The following LANCL3 variants were observed in gnomAD, a reference collection of about 807,000 sequenced individuals.
LANCL3 encodes LanC like family member 3.
A neutral mutation model predicts 26.5 loss-of-function variants in LANCL3; 19 were observed. The observed-to-expected ratio is 0.72, with a 90% confidence interval of 0.50 to 1.05. The LOEUF (loss-of-function observed/expected upper bound fraction) is 1.05, where lower values mean the gene tolerates loss of function less well. Ranked by LOEUF, LANCL3 falls within the 50% of genes least tolerant of loss-of-function variation. LANCL3 has a pLI of 0.00. For synonymous variants in LANCL3, 160 were observed against 166.6 expected, an observed-to-expected ratio of 0.96 and a Z score of 0.30; for missense variants, 318 against 362.7, an observed-to-expected ratio of 0.88 and a Z score of 1.00.
chrX:37,647,847 T>C (rs181736725), intron 1 of LANCL3, among the ~76,000 whole-genome samples: 165 of 113,111 alleles, frequency 1.5e-3, no homozygotes, highest in African/African-American at 4.9e-3. Flanking sequence ...AAATGTTTCC[T>C]TGGGCTCTAC....
chrX:37,636,031 C>T (rs1369084852), intron 1 of LANCL3, among the ~76,000 whole-genome samples: 8 of 106,881 alleles, frequency 7.5e-5, no homozygotes, highest in African/African-American at 2.7e-4. Flanking sequence ...CAGTGTTTAG[C>T]TCCCACTTAT....
At chrX:37,673,125 G>T (rs1360699277) in intron 4 of LANCL3, among the ~76,000 whole-genome samples, 1 of 110,870 alleles carries the variant, frequency 9.0e-6, no homozygotes, top group East Asian at 2.8e-4. Flanking sequence ...TCAAATATTT[G>T]ACATAGAGTT....
At chrX:37,634,807 G>A (rs1925659195) in intron 1 of LANCL3, among the ~76,000 whole-genome samples, 1 of 111,559 alleles carries the variant, frequency 9.0e-6, no homozygotes, top group Non-Finnish European at 1.9e-5. Flanking sequence ...TCTGGATAAA[G>A]AGGCATCATG....
intron 1 of LANCL3, among the ~76,000 whole-genome samples, chrX:37,613,327 G>T (rs1323945361): frequency 1.8e-5 from 2 of 111,143 alleles, no homozygotes; most frequent in Non-Finnish European, 3.8e-5. Context: ...ACATGGCCTG[G>T]CTCAGGGTTG....
intron 1 of LANCL3, among the ~76,000 whole-genome samples, chrX:37,579,371 C>A (rs1457209818): frequency 9.0e-6 from 1 of 111,407 alleles, no homozygotes; most frequent in Non-Finnish European, 1.9e-5. Flanking sequence ...ATGCCTGGAA[C>A]CACGGATAGT....
At chrX:37,612,330 C>G (rs1467961463) in intron 1 of LANCL3, among the ~76,000 whole-genome samples, 2 of 111,467 alleles carry the variant, frequency 1.8e-5, no homozygotes, top group East Asian at 5.7e-4. Context: ...GCATTTCTAA[C>G]CCCCCTTCCC....
intron 1 of LANCL3, among the ~76,000 whole-genome samples, chrX:37,634,422 G>A (rs1043157468): frequency 1.8e-5 from 2 of 112,801 alleles, no homozygotes; most frequent in African/African-American, 3.2e-5. Flanking sequence ...GCCCTGCTTC[G>A]GCTCGCACAT....
chrX:37,658,645 T>A (rs1413993770), intron 2 of LANCL3, among the ~76,000 whole-genome samples: 1 of 111,912 alleles, frequency 8.9e-6, no homozygotes, highest in Non-Finnish European at 1.9e-5. Context: ...CACACACAAT[T>A]AACCATCATA....
intron 1 of LANCL3, among the ~76,000 whole-genome samples, chrX:37,588,319 G>A (rs781918817): frequency 3.6e-5 from 4 of 111,433 alleles, no homozygotes; most frequent in East Asian, 2.8e-4. Flanking sequence ...TCAACAGTTC[G>A]TGATGTGTCC....
chrX:37,605,532 A>AC (rs34956694), intron 1 of LANCL3, among the ~76,000 whole-genome samples: 1 of 111,508 alleles, frequency 9.0e-6, no homozygotes, highest in East Asian at 2.8e-4. Flanking sequence ...GGCCTACAGG[A>AC]CCCTAAAAGA....
intron 1 of LANCL3, among the ~76,000 whole-genome samples, chrX:37,646,175 C>T (rs1202650821): frequency 8.8e-6 from 1 of 113,034 alleles, no homozygotes; most frequent in Non-Finnish European, 1.9e-5. Context: ...CCATGTTTCT[C>T]CAACCTAGCA....
intron 1 of LANCL3, among the ~76,000 whole-genome samples, chrX:37,642,998 T>C (rs1474848373): frequency 8.9e-6 from 1 of 111,909 alleles, no homozygotes; most frequent in African/African-American, 3.2e-5. Context: ...TTTTGAACCA[T>C]GGTTTGAGAA....
At chrX:37,625,745 C>T (rs1230954581) in intron 1 of LANCL3, among the ~76,000 whole-genome samples, 1 of 110,775 alleles carries the variant, frequency 9.0e-6, no homozygotes, top group African/African-American at 3.3e-5. Context: ...AGCTACTTTT[C>T]AGTACCTCAG....
intron 1 of LANCL3, among the ~76,000 whole-genome samples, chrX:37,575,029 G>C (rs1430542420): frequency 2.7e-5 from 3 of 109,129 alleles, no homozygotes; most frequent in Non-Finnish European, 5.7e-5. Flanking sequence ...GGGCTCAGGC[G>C]ATCCTCCTAC....
intron 4 of LANCL3, among the ~76,000 whole-genome samples, chrX:37,674,141 G>T (rs937975174): frequency 9.0e-6 from 1 of 111,329 alleles, no homozygotes; most frequent in Non-Finnish European, 1.9e-5. Flanking sequence ...TATACCAGGG[G>T]TTCTTAATCT....
At chrX:37,572,529 C>T in intron 1 of LANCL3, 86 bp downstream of exon 1, 1 of 794,815 alleles carries the variant, frequency 1.3e-6, no homozygotes, top group African/African-American at 2.0e-5. Flanking sequence ...CAGCACTGTC[C>T]CGAGTTGCTC....
rs1246388476 is a variant in LANCL3, at chrX:37,573,753, A to AT, written c.573+1319dup. Among the ~76,000 whole-genome samples, 5 of 109,727 alleles carry AT rather than the reference A, an allele frequency of 4.6e-5. No homozygotes were observed. In the East Asian group the frequency reaches 8.5e-4, roughly 19 times the overall value. ...TAGTCTGGCAGCAGGCAATTTTCAAATTTTTTTTTCCAATTGTTTTCCTTA... is the reference window on the plus strand; with the variant it reads ...TAGTCTGGCAGCAGGCAATTTTCAAATTTTTTTTTTCCAATTGTTTTCCTTA... On this transcript the variant is annotated intron_variant, in intron 1 of 4. Coordinates refer to ENST00000378619, the MANE Select transcript of LANCL3 (RefSeq NM_001170331.2).
intron 1 of LANCL3, among the ~76,000 whole-genome samples, chrX:37,576,034 G>A (rs1923735945): frequency 8.9e-6 from 1 of 111,853 alleles, no homozygotes; most frequent in Non-Finnish European, 1.9e-5. Context: ...TTGGCTACTA[G>A]GGAGTGTATG....
rs1345796548 is a variant in LANCL3 at position 37,680,522 on chromosome X, C to G, written c.*4709C>G. 8.9e-6 allele frequency: 1 copy of G among 111,966 alleles called. No individual in the cohort carries two copies. Among genetic ancestry groups the G allele is most frequent in the African/African-American group, 3.2e-5 (1 of 30,773 alleles). The allele number at this position is 111,966 out of a possible 1,213,427, so 9.2% of individuals were successfully genotyped here. A position where few individuals can be genotyped will look rare whatever the true frequency, so the allele number is the denominator to read the frequency against. ...TTATCTGCAGAATTCCCAGAATCTT[C>G]TTTTGCCTTTGTGCACCTGCTAATT... On this transcript the variant is annotated 3_prime_UTR_variant, in exon 5 of 5. Transcript: ENST00000378619.
Sources: gnomAD v4.1 joint callset for allele counts (sites outside exome capture counted in the v4.1 genomes callset) on GRCh38, gnomAD v4.1.1 for gene constraint, MANE v1.5 for transcripts, NCBI Gene and HGNC (gene_info 2026-07-23, HGNC 2026-07-21) for gene names.